The following COBL variants were observed in gnomAD, a reference collection of about 807,000 sequenced individuals.
The protein encoded by COBL is cordon-bleu WH2 repeat protein.
COBL carries 51 observed loss-of-function variants against 98.8 expected under a neutral mutation model. The observed-to-expected ratio is 0.52, with a 90% confidence interval of 0.41 to 0.65. The LOEUF (loss-of-function observed/expected upper bound fraction) is 0.65, where lower values mean the gene tolerates loss of function less well. Ranked by LOEUF, COBL falls within the 30% of genes least tolerant of loss-of-function variation. COBL has a pLI of 0.00. For synonymous variants in COBL, 634 were observed against 651.7 expected (o/e 0.97, Z 0.41); for missense variants, 1,617 against 1,617.5 (o/e 1.00, Z 0.01).
chr7:51,020,963 G>A (rs770861840), intron 12 of COBL: 1 of 152,226 alleles, frequency 6.6e-6, no homozygotes, highest in South Asian at 2.1e-4. Context: ...TGAAATTTGT[G>A]TATTACAGGT....
chr7:51,209,712 C>T (rs1434033956), intron 2 of COBL, among the ~76,000 whole-genome samples: 3 of 152,132 alleles, frequency 2.0e-5, no homozygotes, highest in African/African-American at 4.8e-5. Context: ...AGTCCTCCTG[C>T]GGTCTGAGGA....
chr7:51,047,754 A>G (rs1289353172), intron 7 of COBL, among the ~76,000 whole-genome samples: 1 of 152,212 alleles, frequency 6.6e-6, no homozygotes, highest in Non-Finnish European at 1.5e-5. Flanking sequence ...GCAAAGCTGC[A>G]CTTCATCTTA....
At chr7:51,049,684 A>G (rs898987599) in intron 7 of COBL, among the ~76,000 whole-genome samples, 2 of 152,208 alleles carry the variant, frequency 1.3e-5, no homozygotes, top group African/African-American at 4.8e-5. Context: ...TGATTTTGGC[A>G]GGTAGAGGAC....
intron 6 of COBL, among the ~76,000 whole-genome samples, chr7:51,125,812 G>C (rs1407852261): frequency 6.6e-6 from 1 of 152,028 alleles, no homozygotes; most frequent in African/African-American, 2.4e-5. Flanking sequence ...GAACATCCGC[G>C]TACTCATTCA....
chr7:51,140,601 T>C (rs1429973237), intron 5 of COBL, among the ~76,000 whole-genome samples: 2 of 152,242 alleles, frequency 1.3e-5, no homozygotes, highest in African/African-American at 2.4e-5. Flanking sequence ...AATGTACTCA[T>C]CTCAGCAAAG....
At chr7:51,026,430 T>C (rs941204078) in intron 11 of COBL, 116 bp downstream of exon 11, 1 of 1,369,872 alleles carries the variant, frequency 7.3e-7, no homozygotes, top group African/African-American at 1.4e-5. Flanking sequence ...TAAAGACAGA[T>C]GGTTCACCAT....
chr7:51,056,772 C>T lies in COBL; in HGVS notation c.1097-13080G>A, dbSNP rs138381767. 1.4e-4 allele frequency among the ~76,000 whole-genome samples: 21 copies of T among 148,216 alleles called. No individual in the cohort carries two copies. In the East Asian group the frequency reaches 2.0e-3, roughly 14 times the overall value. ...ACCATTAAAAGTGAGTGGAGAAAAGCGAAATGACTAATAACTATGCTTGTA... is the reference window on the plus strand; with the variant it reads ...ACCATTAAAAGTGAGTGGAGAAAAGTGAAATGACTAATAACTATGCTTGTA... On this transcript the variant is annotated intron_variant, in intron 7 of 12. Transcript: ENST00000265136.
chr7:51,069,021 C>G (rs560178423), intron 7 of COBL, among the ~76,000 whole-genome samples: 2 of 152,154 alleles, frequency 1.3e-5, no homozygotes, highest in Non-Finnish European at 2.9e-5. Flanking sequence ...TCGGCCTGAT[C>G]GCACCCAATC....
intron 5 of COBL, among the ~76,000 whole-genome samples, chr7:51,137,947 A>C (rs1273066981): frequency 6.6e-6 from 1 of 152,248 alleles, no homozygotes; most frequent in East Asian, 1.9e-4. Flanking sequence ...ACAATAGCCC[A>C]GTATTATTTG....
chr7:51,284,129 CAA>C (rs71021763), intron 1 of COBL, among the ~76,000 whole-genome samples: 22,479 of 66,226 alleles, frequency 0.34, 2,196 homozygotes, highest in Non-Finnish European at 0.42. Flanking sequence ...ACCAAAAATA[CAA>C]AAAAAAAAAA....
intron 6 of COBL, among the ~76,000 whole-genome samples, chr7:51,089,940 C>A (rs767641470): frequency 2.6e-5 from 4 of 151,822 alleles, no homozygotes; most frequent in Non-Finnish European, 5.9e-5. Context: ...CCATAATTAA[C>A]TAAATTAGCC....
intron 5 of COBL, among the ~76,000 whole-genome samples, chr7:51,152,512 T>C (rs781061762): frequency 2.0e-5 from 3 of 152,168 alleles, no homozygotes; most frequent in Non-Finnish European, 4.4e-5. Flanking sequence ...GCCCCTTCTG[T>C]TGGCACATTT....
chr7:51,091,876 C>T, intron 6 of COBL, among the ~76,000 whole-genome samples: 1 of 151,532 alleles, frequency 6.6e-6, no homozygotes. Flanking sequence ...ATGACATATT[C>T]AAAGTGCTAA....
intron 1 of COBL, among the ~76,000 whole-genome samples, chr7:51,286,704 T>C (rs772857913): frequency 1.1e-4 from 16 of 152,318 alleles, no homozygotes; most frequent in Non-Finnish European, 1.9e-4. Flanking sequence ...GTTTAGAGAT[T>C]TCTCAAAGAA....
At chr7:51,043,812 T>A (rs925698134) in intron 7 of COBL, 120 bp from the exon 8 acceptor site, 1 of 749,014 alleles carries the variant, frequency 1.3e-6, no homozygotes, top group Non-Finnish European at 2.1e-6. Context: ...GTGCTCAAAG[T>A]AAAGGAAGAA....
chr7:51,109,163 C>G (rs77987201), intron 6 of COBL, among the ~76,000 whole-genome samples: 12,723 of 152,232 alleles, frequency 0.084, 772 homozygotes, highest in South Asian at 0.17. Flanking sequence ...CGAGTTTCTG[C>G]ACACTCTCGG....
At chr7:51,210,706 G>C (rs988220403) in intron 2 of COBL, among the ~76,000 whole-genome samples, 1 of 152,192 alleles carries the variant, frequency 6.6e-6, no homozygotes. Flanking sequence ...ACCCTTCCCA[G>C]TCTCATGTAA....
intron 4 of COBL, among the ~76,000 whole-genome samples, chr7:51,186,516 T>A (rs1789526251): frequency 6.6e-6 from 1 of 152,214 alleles, no homozygotes; most frequent in Non-Finnish European, 1.5e-5. Flanking sequence ...TCTAGCCTGT[T>A]GTTTCTCTTC....
intron 1 of COBL, among the ~76,000 whole-genome samples, chr7:51,280,252 G>A (rs2129175407): frequency 6.6e-6 from 1 of 152,250 alleles, no homozygotes; most frequent in Admixed American, 6.5e-5. Context: ...AGAGCTACAA[G>A]AGAAACCTTC....
Sources: allele counts gnomAD v4.1 joint callset (sites outside exome capture counted in the v4.1 genomes callset), GRCh38; gene constraint gnomAD v4.1.1; transcripts MANE v1.5; gene names NCBI Gene and HGNC (gene_info 2026-07-23, HGNC 2026-07-21).